Variants in MEST observed in about 807,000 individuals in gnomAD.
The protein encoded by MEST is mesoderm specific transcript, also known as mesoderm-specific transcript homolog protein.
In MEST, 18 loss-of-function variants were observed where a neutral mutation model predicts 50.9. The ratio of observed to expected loss-of-function variants is 0.35; its 90% CI spans 0.24 to 0.52. The LOEUF is 0.52. Among genes scored for constraint, MEST ranks in the 20% least tolerant of loss-of-function variants. The pLI is 0.94. For synonymous variants in MEST, 130 were observed against 154.1 expected (o/e 0.84, Z 1.16); for missense variants, 282 against 425.3 (o/e 0.66, Z 2.96).
At chr7:130,489,454 C>T (rs1307471781), upstream of MEST, 2 of 152,214 alleles carry the variant, frequency 1.3e-5, no homozygotes, top group Non-Finnish European at 2.9e-5. Flanking sequence ...TCAAATTCTC[C>T]CCCTGCGGAG....
At chr7:130,501,624 G>A (rs1799278250) in intron 9 of MEST, among the ~76,000 whole-genome samples, 2 of 152,204 alleles carry the variant, frequency 1.3e-5, no homozygotes, top group South Asian at 4.1e-4. Context: ...TGGCAGTGGT[G>A]TCTTACGCTG....
Position 130,499,744 on chromosome 7 carries a change from CA to C in MEST, c.536-130del, listed in dbSNP as rs1348474278. On this transcript the variant is annotated intron_variant, in intron 6 of 11. Transcript: ENST00000223215. ...AGGTGGCTTGCACCTGTAATCCCAG[CA>C]CTTTGGGAGGCTGAGGTGAGAGGAT... is the stretch of plus-strand genomic sequence containing the variant. 55 of 657,804 alleles carry C rather than the reference CA, an allele frequency of 8.4e-5. 2 individuals carry two copies. Among genetic ancestry groups the C allele is most frequent in the South Asian group, 7.7e-4 (36 of 46,816 alleles). The allele number at this position is 657,804 out of a possible 1,614,324, so 40.7% of individuals were successfully genotyped here. A position where few individuals can be genotyped will look rare whatever the true frequency, so the allele number is the denominator to read the frequency against.
intron 10 of MEST, among the ~76,000 whole-genome samples, chr7:130,503,616 C>A (rs1422886348): frequency 1.3e-5 from 2 of 152,090 alleles, no homozygotes; most frequent in African/African-American, 4.8e-5. Context: ...TGGCACCACT[C>A]TGGGCAACAT....
At chr7:130,495,706 T>G (rs1554436691) in intron 2 of MEST, 184 bp downstream of exon 2, 2 of 549,056 alleles carry the variant, frequency 3.6e-6, no homozygotes, top group African/African-American at 3.9e-5. Flanking sequence ...GGGTAGGGAC[T>G]GAGATTCCAA....
In MEST at chr7:130,498,171, C is replaced by G; in HGVS notation, c.372C>G (p.Ala124=). ...RPHHYSIFEQ[A]SIVEALLRHL... ...ATCACTATTCCATATTTGAGCAGGC[C>G]AGCATCGTGGAAGCGCTTTTGCGGC... The change falls in exon 5 of 12, where the codon GCC becomes GCG. Residue 124 remains alanine (A), a synonymous_variant. Transcript: ENST00000223215. 1 of 1,614,134 alleles carries G rather than the reference C, an allele frequency of 6.2e-7. No individual in the cohort carries two copies. Among genetic ancestry groups the G allele is most frequent in the Non-Finnish European group, 8.5e-7 (1 of 1,180,038 alleles).
intron 6 of MEST, among the ~76,000 whole-genome samples, chr7:130,499,548 T>C (rs1348335782): frequency 6.6e-6 from 1 of 152,192 alleles, no homozygotes; most frequent in Non-Finnish European, 1.5e-5. Context: ...TCCAGTGGGA[T>C]TTATTGTGAC....
chr7:130,490,093 T>G (rs1798741198), upstream of MEST: 1 of 152,214 alleles, frequency 6.6e-6, no homozygotes, highest in Non-Finnish European at 1.5e-5. Flanking sequence ...GCCTTTACCT[T>G]TTTGGAAGAA....
At chr7:130,498,595 A>G (rs1255837365) in intron 6 of MEST, 118 bp downstream of exon 6, 1 of 921,378 alleles carries the variant, frequency 1.1e-6, no homozygotes, top group Non-Finnish European at 1.7e-6. Flanking sequence ...AAACTATGGG[A>G]TCTCTACCTC....
chr7:130,502,765 G>C (rs1554438837), intron 10 of MEST, 45 bp downstream of exon 10: 2 of 1,454,938 alleles, frequency 1.4e-6, no homozygotes, highest in African/African-American at 2.8e-5. Context: ...GGACTATAGG[G>C]TTAAAGTAAT....
chr7:130,486,792 G>T (rs1798635857), intron 1 of MEST: 1 of 152,380 alleles, frequency 6.6e-6, no homozygotes, highest in Non-Finnish European at 1.5e-5. Flanking sequence ...TTCTTGGGAG[G>T]CTGCGCCTTC....
chr7:130,493,034 G>A (rs1006340074), intron 1 of MEST, among the ~76,000 whole-genome samples: 1 of 152,138 alleles, frequency 6.6e-6, no homozygotes, highest in Admixed American at 6.5e-5. Flanking sequence ...TCGCAGTGCC[G>A]AGATCGCCGC....
At chr7:130,504,138 G>C (rs572330001) in intron 11 of MEST, 142 bp downstream of exon 11, 1 of 640,356 alleles carries the variant, frequency 1.6e-6, no homozygotes, top group East Asian at 2.6e-5. Context: ...TAAAAAGATT[G>C]AGTTGAGGAA....
intron 1 of MEST, among the ~76,000 whole-genome samples, chr7:130,493,612 A>G (rs550655535): frequency 2.0e-5 from 3 of 152,130 alleles, no homozygotes; most frequent in South Asian, 2.1e-4. Context: ...ATGTTGGTCG[A>G]TAGCCTCGTT....
intron 10 of MEST, among the ~76,000 whole-genome samples, 156 bp downstream of exon 10, chr7:130,502,876 G>A (rs1335876531): frequency 6.6e-6 from 1 of 152,030 alleles, no homozygotes; most frequent in African/African-American, 2.4e-5. Flanking sequence ...TGCTTTTTTA[G>A]TATTTAAGTA....
rs1554438248 is a variant in MEST, at chr7:130,500,461, G to A, written c.577-1G>A. 3 of 1,613,252 alleles carry A rather than the reference G, an allele frequency of 1.9e-6. No individual in the cohort carries two copies. Among genetic ancestry groups the A allele is most frequent in the Non-Finnish European group, 1.7e-6 (2 of 1,179,524 alleles). On this transcript the variant is annotated splice_acceptor_variant, in intron 7 of 11. Transcript: ENST00000223215. LOFTEE classifies it high-confidence loss of function. This position sits in a 1 kb window ranked among gnomAD's most constrained non-coding sequence, Gnocchi z 5.0. ...CTTTACCTCCACTTATTCCCCTCCA[G>A]CTACTCAAAGATGGAGGTGTGCTGT...
intron 11 of MEST, among the ~76,000 whole-genome samples, 164 bp downstream of exon 11, chr7:130,504,160 CATA>C (rs1358160727): frequency 6.6e-6 from 1 of 152,230 alleles, no homozygotes; most frequent in Non-Finnish European, 1.5e-5. Flanking sequence ...CTTATTCTAA[CATA>C]ATTGTAGTAT....
At position 130,502,681 on chromosome 7, in the gene MEST, A is replaced by G; in HGVS notation, c.787A>G (p.Arg263Gly). 1 of 1,613,984 alleles carries G rather than the reference A, an allele frequency of 6.2e-7. No individual in the cohort carries two copies. The highest frequency in any genetic ancestry group is 8.5e-7 in the Non-Finnish European group (1 of 1,179,890). The change falls in exon 10 of 12, where the codon AGG becomes GGG. Residue 263 changes from arginine (R) to glycine (G), a missense_variant. Physicochemically the swap from Arg to Gly is moderately radical, Grantham distance 125. Coordinates refer to ENST00000223215, the MANE Select transcript of MEST (RefSeq NM_002402.4). ...QYINQRKKFRRRWVGALASVT... is the reference protein window; with the variant it reads ...QYINQRKKFRGRWVGALASVT... ...CATCAATCAGAGGAAGAAGTTCAGA[A>G]GGCGCTGGGTGGGAGCTCTTGCCTC...
At chr7:130,501,724 G>A (rs529287796) in intron 9 of MEST, among the ~76,000 whole-genome samples, 15 of 152,240 alleles carry the variant, frequency 9.9e-5, no homozygotes, top group African/African-American at 3.4e-4. Flanking sequence ...AGTAGATGTC[G>A]GCTGGGCACA....
At chr7:130,498,868 GA>G in intron 6 of MEST, 1 of 245,434 alleles carries the variant, frequency 4.1e-6, no homozygotes, top group East Asian at 1.1e-4. Flanking sequence ...TAGGTTATGA[GA>G]GTGTAGGATT....
Sources: gnomAD v4.1 joint callset for allele counts (sites outside exome capture counted in the v4.1 genomes callset) on GRCh38, gnomAD v4.1.1 for gene constraint, Gnocchi (gnomAD v3.1) non-coding constraint, MANE v1.5 for transcripts, NCBI Gene and HGNC (gene_info 2026-07-23, HGNC 2026-07-21) for gene names.